The following PTPRD variants were observed in gnomAD, a reference collection of about 807,000 sequenced individuals.
PTPRD encodes the protein receptor-type tyrosine-protein phosphatase delta.
Under a neutral mutation model 214.5 loss-of-function variants are expected in PTPRD, and 34 were observed. That is an observed-to-expected ratio of 0.16 (90% confidence interval 0.12 to 0.21). The LOEUF (loss-of-function observed/expected upper bound fraction) is 0.21, where lower values mean the gene tolerates loss of function less well. PTPRD is among the 10% of genes least tolerant of loss of function. PTPRD has a pLI of 1.00. For synonymous variants in PTPRD, 1,128 were observed against 845.7 expected (o/e 1.33, Z -5.79); for missense variants, 2,545 against 2,398.7 (o/e 1.06, Z -1.27).
intron 2 of PTPRD, among the ~76,000 whole-genome samples, chr9:10,349,121 G>A (rs769410504): frequency 7.9e-5 from 12 of 151,944 alleles, no homozygotes; most frequent in Non-Finnish European, 1.3e-4. Context: ...TGAGCAGGAC[G>A]AAGCCATTAA....
intron 5 of PTPRD, among the ~76,000 whole-genome samples, chr9:9,782,507 C>T (rs1467009950): frequency 1.3e-5 from 2 of 152,070 alleles, no homozygotes; most frequent in Non-Finnish European, 2.9e-5. Flanking sequence ...AGAATATTTT[C>T]TAAACATTTA....
chr9:8,398,547 T>C (rs976035349), intron 36 of PTPRD, among the ~76,000 whole-genome samples: 1 of 152,222 alleles, frequency 6.6e-6, no homozygotes, highest in Non-Finnish European at 1.5e-5. Context: ...TAAATTCATA[T>C]GTTAAACCTA....
chr9:8,644,824 C>T (rs2096652917), intron 12 of PTPRD, among the ~76,000 whole-genome samples: 1 of 152,218 alleles, frequency 6.6e-6, no homozygotes, highest in African/African-American at 2.4e-5. Context: ...CATTCCATGC[C>T]TGACTCGCAG....
intron 7 of PTPRD, among the ~76,000 whole-genome samples, chr9:9,625,450 G>A (rs1397550335): frequency 6.6e-6 from 1 of 152,124 alleles, no homozygotes. Context: ...GCTTCTGTCA[G>A]TTCTTAACCA....
intron 2 of PTPRD, among the ~76,000 whole-genome samples, chr9:10,584,187 A>G (rs1294315506): frequency 1.3e-5 from 2 of 151,814 alleles, no homozygotes; most frequent in Non-Finnish European, 2.9e-5. Flanking sequence ...AATTACAAAA[A>G]AAAAAAAGAA....
At chr9:8,499,379 A>G in intron 25 of PTPRD, among the ~76,000 whole-genome samples, 1 of 152,158 alleles carries the variant, frequency 6.6e-6, no homozygotes, top group East Asian at 1.9e-4. Context: ...GGCAAACTCA[A>G]ATATGGTTGT....
At chr9:9,601,154 G>GC in intron 7 of PTPRD, among the ~76,000 whole-genome samples, 1 of 94,194 alleles carries the variant, frequency 1.1e-5, no homozygotes, top group African/African-American at 3.6e-5. Context: ...TGTGTGTATG[G>GC]GGGGGGGAGA....
chr9:8,416,089 C>G (rs894574390), intron 35 of PTPRD, among the ~76,000 whole-genome samples: 1 of 151,990 alleles, frequency 6.6e-6, no homozygotes, highest in Non-Finnish European at 1.5e-5. Flanking sequence ...AAAATATTTC[C>G]CCTGAACACA....
At chr9:9,140,809 A>T (rs919316466) in intron 10 of PTPRD, among the ~76,000 whole-genome samples, 1 of 152,080 alleles carries the variant, frequency 6.6e-6, no homozygotes, top group African/African-American at 2.4e-5. Context: ...CGATCTCCTG[A>T]CCTCGTGATC....
chr9:8,918,191 G>C (rs897138547), intron 11 of PTPRD, among the ~76,000 whole-genome samples: 2 of 152,090 alleles, frequency 1.3e-5, no homozygotes, highest in African/African-American at 4.8e-5. Flanking sequence ...GCATTAAGTG[G>C]CCACCTGGGC....
intron 11 of PTPRD, among the ~76,000 whole-genome samples, chr9:8,828,287 A>G (rs1456969589): frequency 6.6e-6 from 1 of 152,252 alleles, no homozygotes. Context: ...TGATGGTATT[A>G]GAAGGTGAGC....
rs576023983 is a variant in PTPRD, at chr9:10,276,266, T to C, written c.-545+64697A>G. 3.3e-5 allele frequency among the ~76,000 whole-genome samples: 5 copies of C among 152,356 alleles called. No homozygotes were observed. The South Asian group carries it at 1.0e-3, about 32-fold the overall frequency. On this transcript the variant is annotated intron_variant, in intron 3 of 45. Transcript: ENST00000381196. ...TTAGTTTTATTTGGGAAATGTCACATGTTCAGCTCATTAACAAATGCATGA... is the reference window on the plus strand; with the variant it reads ...TTAGTTTTATTTGGGAAATGTCACACGTTCAGCTCATTAACAAATGCATGA...
At chr9:8,725,039 T>C (rs923554936) in intron 12 of PTPRD, among the ~76,000 whole-genome samples, 2 of 152,220 alleles carry the variant, frequency 1.3e-5, no homozygotes, top group African/African-American at 4.8e-5. Context: ...AAATGTTAAC[T>C]TCCTGGTTTT....
chr9:10,026,122 C>G (rs1386973061), intron 4 of PTPRD, among the ~76,000 whole-genome samples: 2 of 152,176 alleles, frequency 1.3e-5, no homozygotes, highest in African/African-American at 4.8e-5. Flanking sequence ...AAAGTGCCAG[C>G]TTTAAATAAC....
intron 3 of PTPRD, among the ~76,000 whole-genome samples, chr9:10,040,121 T>C (rs934001969): frequency 2.0e-5 from 3 of 151,992 alleles, no homozygotes; most frequent in African/African-American, 4.8e-5. Flanking sequence ...TGGTAGGTAA[T>C]ACTCTATCTA....
At chr9:9,350,390 G>A (rs952338230) in intron 9 of PTPRD, among the ~76,000 whole-genome samples, 1 of 151,966 alleles carries the variant, frequency 6.6e-6, no homozygotes, top group Non-Finnish European at 1.5e-5. Flanking sequence ...CATTTATTCT[G>A]ATTTTCTCAA....
At chr9:10,059,139 G>A (rs552206302) in intron 3 of PTPRD, among the ~76,000 whole-genome samples, 1 of 152,204 alleles carries the variant, frequency 6.6e-6, no homozygotes, top group Non-Finnish European at 1.5e-5. Context: ...TTATGTGTTG[G>A]CCTGAAGCAG....
chr9:9,960,876 C>A (rs1047095010), intron 4 of PTPRD, among the ~76,000 whole-genome samples: 1 of 151,960 alleles, frequency 6.6e-6, no homozygotes, highest in Non-Finnish European at 1.5e-5. Flanking sequence ...AACAGGCAAC[C>A]TACAGAATGG....
At chr9:9,776,584 T>C (rs2098800306) in intron 5 of PTPRD, among the ~76,000 whole-genome samples, 1 of 152,214 alleles carries the variant, frequency 6.6e-6, no homozygotes, top group South Asian at 2.1e-4. Context: ...TTTGTTGCTC[T>C]TTTTGCATGT....
Sources: allele counts gnomAD v4.1 joint callset (sites outside exome capture counted in the v4.1 genomes callset), GRCh38; gene constraint gnomAD v4.1.1; transcripts MANE v1.5; gene names NCBI Gene and HGNC (gene_info 2026-07-23, HGNC 2026-07-21).